GRIA1: variants seen among roughly 807,000 people sequenced by gnomAD.
GRIA1 encodes the protein glutamate ionotropic receptor AMPA type subunit 1, also known as glutamate receptor 1.
Under a neutral mutation model 99.2 loss-of-function variants are expected in GRIA1, and 31 were observed. The ratio of observed to expected loss-of-function variants is 0.31; its 90% CI spans 0.23 to 0.42. GRIA1 has a LOEUF of 0.42. Ranked by LOEUF, GRIA1 falls within the 10% of genes least tolerant of loss-of-function variation. The pLI, the probability that GRIA1 is intolerant of heterozygous loss-of-function variation, is 1.00. For missense variants in GRIA1, 782 were observed against 1,157.5 expected, an observed-to-expected ratio of 0.68 and a Z score of 4.71; for synonymous variants, 438 against 432.4, an observed-to-expected ratio of 1.01 and a Z score of -0.16.
At chr5:153,566,339 T>G (rs1242954695) in intron 2 of GRIA1, among the ~76,000 whole-genome samples, 1 of 125,112 alleles carries the variant, frequency 8.0e-6, no homozygotes, top group Non-Finnish European at 1.6e-5. Flanking sequence ...AGAGTCTCAC[T>G]CTTGTCACCC....
intron 13 of GRIA1, among the ~76,000 whole-genome samples, chr5:153,786,090 T>A (rs974644699): frequency 4.6e-5 from 7 of 152,222 alleles, no homozygotes; most frequent in African/African-American, 1.7e-4. Context: ...ATTTTTCAGT[T>A]AATTGATATA....
chr5:153,593,702 A>G (rs1764180153), intron 2 of GRIA1, among the ~76,000 whole-genome samples: 1 of 152,184 alleles, frequency 6.6e-6, no homozygotes, highest in East Asian at 1.9e-4. Flanking sequence ...TCTCAGTTGC[A>G]TGGTTTTCCC....
rs139796670 is a variant in GRIA1, at chr5:153,786,331, C to T, written c.2271-8290C>T. Among the ~76,000 whole-genome samples, 328 of 152,026 alleles carry T rather than the reference C, an allele frequency of 2.2e-3. 2 individuals are homozygous for T. The highest frequency in any genetic ancestry group is 7.7e-3 in the African/African-American group (319 of 41,448). Reference sequence around the variant, plus strand: ...CTACACTCCTCGGGTGGGGACTTTGCCCTTTTCACAGAACACTCCCTAAAG... The same window carrying T: ...CTACACTCCTCGGGTGGGGACTTTGTCCTTTTCACAGAACACTCCCTAAAG... On this transcript the variant is annotated intron_variant, in intron 13 of 15. Transcript: ENST00000285900.
At chr5:153,648,158 A>G (rs1358086835) in intron 3 of GRIA1, among the ~76,000 whole-genome samples, 1 of 152,202 alleles carries the variant, frequency 6.6e-6, no homozygotes, top group Non-Finnish European at 1.5e-5. Context: ...GTGATTTTTC[A>G]GGCAGTTAGG....
intron 2 of GRIA1, among the ~76,000 whole-genome samples, chr5:153,517,195 A>C (rs1360980765): frequency 6.6e-6 from 1 of 152,166 alleles, no homozygotes; most frequent in Non-Finnish European, 1.5e-5. Flanking sequence ...GGCCCGAACC[A>C]GCGAGGAGAA....
chr5:153,808,023 C>T (rs896786655), intron 15 of GRIA1, among the ~76,000 whole-genome samples: 1 of 152,250 alleles, frequency 6.6e-6, no homozygotes, highest in Non-Finnish European at 1.5e-5. Flanking sequence ...GCATCCTCCA[C>T]AGCAGGTGGT....
Position 153,673,005 on chromosome 5 carries a change from G to A in GRIA1, c.700-1495G>A, listed in dbSNP as rs184158647. Among the ~76,000 whole-genome samples the A allele has an allele frequency of 2.0e-4, 31 of 152,214 alleles. 1 individual carries two copies. On this transcript the variant is annotated intron_variant, in intron 5 of 15. Coordinates refer to ENST00000285900, the MANE Select transcript of GRIA1 (RefSeq NM_000827.4). ...CATTTTTTTTCTTCCTGCTGGGCAGGCCCCCAATTATACCTAAAAGAAACC... is the reference window on the plus strand; with the variant it reads ...CATTTTTTTTCTTCCTGCTGGGCAGACCCCCAATTATACCTAAAAGAAACC...
chr5:153,558,966 C>G lies in GRIA1; in HGVS notation c.220+64901C>G, dbSNP rs570899469. On this transcript the variant is annotated intron_variant, in intron 2 of 15. Transcript: ENST00000285900. Reference sequence around the variant, plus strand: ...TCAAGTGGAGCATCAAACTGAGAGGCAGCCTGGCTTAGGAAAACAGGCATT... The same window carrying G: ...TCAAGTGGAGCATCAAACTGAGAGGGAGCCTGGCTTAGGAAAACAGGCATT... Among the ~76,000 whole-genome samples the G allele has an allele frequency of 7.9e-5, 12 of 152,258 alleles. No individual in the cohort carries two copies. The South Asian group carries it at 2.5e-3, about 32-fold the overall frequency.
At chr5:153,538,801 T>G (rs539013525) in intron 2 of GRIA1, among the ~76,000 whole-genome samples, 1 of 152,334 alleles carries the variant, frequency 6.6e-6, no homozygotes, top group Non-Finnish European at 1.5e-5. Flanking sequence ...CCATAAGCAA[T>G]CAGGTACATC....
intron 2 of GRIA1, among the ~76,000 whole-genome samples, chr5:153,617,906 T>C (rs1766664508): frequency 6.6e-6 from 1 of 152,192 alleles, no homozygotes; most frequent in African/African-American, 2.4e-5. Flanking sequence ...AAAACTCACA[T>C]GTACACCATG....
At chr5:153,721,037 A>T (rs1014811098) in intron 11 of GRIA1, among the ~76,000 whole-genome samples, 2 of 152,124 alleles carry the variant, frequency 1.3e-5, no homozygotes, top group East Asian at 3.9e-4. Flanking sequence ...TCTCCATCTG[A>T]CTCGGATGGG....
chr5:153,549,327 G>T (rs367702831), intron 2 of GRIA1, among the ~76,000 whole-genome samples: 1 of 152,292 alleles, frequency 6.6e-6, no homozygotes, highest in East Asian at 1.9e-4. Context: ...ATTATTACTT[G>T]TGGATCCTTG....
rs368607066 is a variant in GRIA1, at chr5:153,737,395, T to G, written c.1824-27039T>G. On this transcript the variant is annotated intron_variant, in intron 11 of 15. Transcript: ENST00000285900. ...AAATTGGCCAAGACCACATAATTAG[T>G]AAATGGCACAACTGGAGTCAAACCC... Among the ~76,000 whole-genome samples, 9 of 150,778 alleles carry G rather than the reference T, an allele frequency of 6.0e-5. No homozygotes were observed. The South Asian group carries it at 8.4e-4, about 14-fold the overall frequency.
chr5:153,775,767 AAGG>A (rs1764194598), intron 13 of GRIA1, among the ~76,000 whole-genome samples: 3 of 150,306 alleles, frequency 2.0e-5, no homozygotes, highest in South Asian at 2.1e-4. Context: ...AAAAAAAAAA[AAGG>A]AGGAGAGTCA....
chr5:153,755,878 G>C lies in GRIA1; in HGVS notation c.1824-8556G>C, dbSNP rs540369087. Among the ~76,000 whole-genome samples, 66 of 152,310 alleles carry C rather than the reference G, an allele frequency of 4.3e-4. 1 individual carries two copies. In the Middle Eastern group the frequency reaches 0.02, roughly 47 times the overall value. ...TTTTAAGAGTGTAGAACAGCACCCAGGTAGCAAACTTGAGCATGCTCTTAG... is the reference window on the plus strand; with the variant it reads ...TTTTAAGAGTGTAGAACAGCACCCACGTAGCAAACTTGAGCATGCTCTTAG... On this transcript the variant is annotated intron_variant, in intron 11 of 15. Coordinates refer to ENST00000285900, the MANE Select transcript of GRIA1 (RefSeq NM_000827.4).
At chr5:153,491,009 C>A (rs777401453) in intron 1 of GRIA1, 39 bp downstream of exon 1, 20 of 1,582,100 alleles carry the variant, frequency 1.3e-5, no homozygotes, top group Non-Finnish European at 8.7e-6. Context: ...CTTTCTGGGT[C>A]TGGCCAGGGA....
At chr5:153,637,521 T>C (rs1211362546) in intron 2 of GRIA1, among the ~76,000 whole-genome samples, 1 of 152,216 alleles carries the variant, frequency 6.6e-6, no homozygotes, top group African/African-American at 2.4e-5. Context: ...AACACGTGGG[T>C]ACACAGTGAT....
At chr5:153,713,453 G>T (rs1006046269) in intron 11 of GRIA1, among the ~76,000 whole-genome samples, 3 of 152,220 alleles carry the variant, frequency 2.0e-5, no homozygotes, top group Admixed American at 6.5e-5. Context: ...CAGATCAGTG[G>T]CTCCTACTTT....
intron 8 of GRIA1, among the ~76,000 whole-genome samples, chr5:153,693,788 T>C (rs937325924): frequency 1.3e-5 from 2 of 152,234 alleles, no homozygotes; most frequent in African/African-American, 4.8e-5. Flanking sequence ...TTAGAAAGAA[T>C]CAAAATTCCT....
Sources: gnomAD v4.1 joint callset for allele counts (sites outside exome capture counted in the v4.1 genomes callset) on GRCh38, gnomAD v4.1.1 for gene constraint, MANE v1.5 for transcripts, NCBI Gene and HGNC (gene_info 2026-07-23, HGNC 2026-07-21) for gene names.